ADAMTS19: variants seen among roughly 807,000 people sequenced by gnomAD.
The protein encoded by ADAMTS19 is A disintegrin and metalloproteinase with thrombospondin motifs 19.
ADAMTS19 carries 93 observed loss-of-function variants against 153.3 expected under a neutral mutation model. The observed-to-expected ratio is 0.61, with a 90% CI of 0.51 to 0.72. The LOEUF is 0.72. ADAMTS19 is among the 30% of genes least tolerant of loss of function. The pLI is 0.00. For missense variants in ADAMTS19, 1,482 were observed against 1,552.1 expected (o/e 0.95, Z 0.76); for synonymous variants, 600 against 556.6 (o/e 1.08, Z -1.10).
intron 2 of ADAMTS19, among the ~76,000 whole-genome samples, chr5:129,501,021 A>G (rs1256124438): frequency 1.3e-5 from 2 of 152,144 alleles, no homozygotes; most frequent in Non-Finnish European, 2.9e-5. Flanking sequence ...ACACAGATAC[A>G]TATACAATAC....
At chr5:129,544,440 T>A (rs1752779609) in intron 6 of ADAMTS19, among the ~76,000 whole-genome samples, 1 of 152,192 alleles carries the variant, frequency 6.6e-6, no homozygotes, top group Non-Finnish European at 1.5e-5. Context: ...AACTAATGTA[T>A]CATTTTACTG....
chr5:129,505,406 T>C (rs1452491777), intron 2 of ADAMTS19, among the ~76,000 whole-genome samples: 1 of 152,162 alleles, frequency 6.6e-6, no homozygotes, highest in Non-Finnish European at 1.5e-5. Context: ...TCTTATATGC[T>C]GTAGGATCTG....
intron 2 of ADAMTS19, among the ~76,000 whole-genome samples, chr5:129,492,096 T>A (rs1211848121): frequency 3.9e-5 from 6 of 152,178 alleles, no homozygotes; most frequent in Admixed American, 6.5e-5. Flanking sequence ...AATATCTGCT[T>A]CTGTGGAGGT....
intron 21 of ADAMTS19, among the ~76,000 whole-genome samples, chr5:129,727,225 T>C (rs1757243350): frequency 1.3e-5 from 2 of 152,170 alleles, no homozygotes; most frequent in African/African-American, 2.4e-5. Flanking sequence ...GACTAGATGT[T>C]TTAGTTTATC....
chr5:129,479,781 G>C (rs527406471), intron 2 of ADAMTS19, among the ~76,000 whole-genome samples: 1 of 151,960 alleles, frequency 6.6e-6, no homozygotes, highest in Non-Finnish European at 1.5e-5. Context: ...GTAAAATATT[G>C]CTTGAATATT....
chr5:129,675,346 G>A (rs1015699744), intron 16 of ADAMTS19, among the ~76,000 whole-genome samples: 2 of 152,018 alleles, frequency 1.3e-5, no homozygotes, highest in Non-Finnish European at 2.9e-5. Flanking sequence ...TAATTTGTAT[G>A]CCCCCACCCG....
intron 15 of ADAMTS19, among the ~76,000 whole-genome samples, chr5:129,661,896 G>A (rs2127074074): frequency 6.6e-6 from 1 of 152,254 alleles, no homozygotes; most frequent in East Asian, 1.9e-4. Flanking sequence ...GAGTCATAGT[G>A]TTAACTATTT....
At chr5:129,615,091 C>T (rs998179046) in intron 8 of ADAMTS19, among the ~76,000 whole-genome samples, 5 of 151,934 alleles carry the variant, frequency 3.3e-5, no homozygotes, top group African/African-American at 1.2e-4. Context: ...GAATCAGTAT[C>T]GTGAAAATGG....
At chr5:129,460,805 T>A (rs965566180) in intron 1 of ADAMTS19, 14 of 483,814 alleles carry the variant, frequency 2.9e-5, no homozygotes, top group African/African-American at 2.0e-4. Context: ...ACTTCAGAAA[T>A]CGTTTACTCG....
intron 21 of ADAMTS19, among the ~76,000 whole-genome samples, chr5:129,711,323 A>G (rs550163661): frequency 1.3e-5 from 2 of 152,210 alleles, no homozygotes; most frequent in East Asian, 1.9e-4. Flanking sequence ...CATTAGTAAA[A>G]TTGGTATATG....
chr5:129,685,034 G>T (rs1755017731), intron 18 of ADAMTS19, among the ~76,000 whole-genome samples: 1 of 151,900 alleles, frequency 6.6e-6, no homozygotes, highest in African/African-American at 2.4e-5. Context: ...GGAATAGCAG[G>T]ATTAGAAGAG....
chr5:129,623,192 A>T (rs1367938691), intron 10 of ADAMTS19, among the ~76,000 whole-genome samples: 2 of 152,228 alleles, frequency 1.3e-5, no homozygotes, highest in African/African-American at 4.8e-5. Context: ...AGCAGTGTTT[A>T]TGTATTAATA....
At chr5:129,653,589 G>A (rs1753410860) in intron 13 of ADAMTS19, among the ~76,000 whole-genome samples, 2 of 152,172 alleles carry the variant, frequency 1.3e-5, no homozygotes, top group Admixed American at 1.3e-4. Context: ...AAGTAGTGAA[G>A]GGGACAGAGT....
At chr5:129,694,680 G>T in intron 18 of ADAMTS19, 40 bp from the exon 19 acceptor site, 1 of 1,464,120 alleles carries the variant, frequency 6.8e-7, no homozygotes, top group Non-Finnish European at 9.1e-7. Context: ...ATTACATAAA[G>T]GCTTATAATA....
intron 7 of ADAMTS19, among the ~76,000 whole-genome samples, chr5:129,566,526 C>T (rs1242720453): frequency 6.6e-6 from 1 of 152,088 alleles, no homozygotes; most frequent in East Asian, 1.9e-4. Flanking sequence ...GAAGTGCCAC[C>T]AAACCAGCAG....
At chr5:129,712,473 C>T (rs1032551656) in intron 21 of ADAMTS19, among the ~76,000 whole-genome samples, 106 of 152,234 alleles carry the variant, frequency 7.0e-4, no homozygotes, top group African/African-American at 2.5e-3. Context: ...CCACTGAGTA[C>T]TTACAAAACT....
intron 11 of ADAMTS19, among the ~76,000 whole-genome samples, chr5:129,646,389 C>G (rs1177433481): frequency 6.6e-6 from 1 of 151,820 alleles, no homozygotes; most frequent in Non-Finnish European, 1.5e-5. Flanking sequence ...ATTTTATGGC[C>G]TATAAAAGTA....
At chr5:129,571,589 T>C (rs1411807595) in intron 7 of ADAMTS19, among the ~76,000 whole-genome samples, 1 of 151,682 alleles carries the variant, frequency 6.6e-6, no homozygotes, top group East Asian at 1.9e-4. Context: ...GGTATGGATA[T>C]ACCACTTCTC....
chr5:129,680,243 A>G (rs1252101599), intron 17 of ADAMTS19, among the ~76,000 whole-genome samples: 1 of 152,178 alleles, frequency 6.6e-6, no homozygotes, highest in African/African-American at 2.4e-5. Context: ...AGAGAGTACT[A>G]TAATATTGCA....
Sources: allele counts gnomAD v4.1 joint callset (sites outside exome capture counted in the v4.1 genomes callset), GRCh38; gene constraint gnomAD v4.1.1; transcripts MANE v1.5; gene names NCBI Gene and HGNC (gene_info 2026-07-23, HGNC 2026-07-21).